Variants in MYO6 observed in about 807,000 individuals in gnomAD.
MYO6 encodes myosin VI.
A neutral mutation model predicts 178.7 loss-of-function variants in MYO6; 74 were observed. The ratio of observed to expected loss-of-function variants is 0.41; its 90% CI spans 0.34 to 0.50. MYO6 has a LOEUF of 0.50. Ranked by LOEUF, MYO6 falls within the 20% of genes least tolerant of loss-of-function variation. MYO6 has a pLI of 0.09. For synonymous variants in MYO6, 477 were observed against 504.6 expected, an observed-to-expected ratio of 0.95 and a Z score of 0.73; for missense variants, 1,330 against 1,547.4, an observed-to-expected ratio of 0.86 and a Z score of 2.36.
intron 3 of MYO6, among the ~76,000 whole-genome samples, chr6:75,826,100 C>T (rs956956404): frequency 2.0e-5 from 3 of 152,154 alleles, no homozygotes; most frequent in African/African-American, 7.2e-5. Context: ...TTTGGTAGAG[C>T]AGGAAGTTAT....
At position 75,879,723 on chromosome 6, in the gene MYO6, C is replaced by T. The variant is rs185066426; in HGVS notation, c.2078-97C>T. On this transcript the variant is annotated intron_variant, in intron 20 of 34. Transcript: ENST00000369977. ...TTGCTGATAATTCTCATAAATTGCC[C>T]GTTTCTAAACAGTATCTTACAAAAA... is the stretch of plus-strand genomic sequence containing the variant. 5.5e-5 allele frequency: 85 copies of T among 1,553,476 alleles called. No individual in the cohort carries two copies. In the African/African-American group the frequency reaches 7.2e-4, roughly 13 times the overall value.
chr6:75,750,477 TGAG>T (rs1322162254), intron 1 of MYO6, among the ~76,000 whole-genome samples: 3 of 151,586 alleles, frequency 2.0e-5, no homozygotes, highest in South Asian at 2.1e-4. Flanking sequence ...TAGTGAGAAA[TGAG>T]GAGCACTGCC....
intron 10 of MYO6, among the ~76,000 whole-genome samples, chr6:75,845,643 A>G (rs1774659933): frequency 6.6e-6 from 1 of 151,698 alleles, no homozygotes; most frequent in Non-Finnish European, 1.5e-5. Context: ...GCAGTGAGCC[A>G]CGATCATGCC....
chr6:75,760,050 G>A (rs987283048), intron 1 of MYO6, among the ~76,000 whole-genome samples: 1 of 152,072 alleles, frequency 6.6e-6, no homozygotes, highest in Non-Finnish European at 1.5e-5. Flanking sequence ...ATTTATACTT[G>A]TATTCACCTG....
chr6:75,856,803 G>A (rs1184921735), intron 12 of MYO6, among the ~76,000 whole-genome samples: 2 of 152,034 alleles, frequency 1.3e-5, no homozygotes, highest in Non-Finnish European at 2.9e-5. Context: ...CCAAAAGGGA[G>A]GTTATTCCTT....
intron 1 of MYO6, among the ~76,000 whole-genome samples, chr6:75,811,690 T>C (rs1770712354): frequency 6.6e-6 from 1 of 152,226 alleles, no homozygotes; most frequent in African/African-American, 2.4e-5. Flanking sequence ...TTTTCCTAAA[T>C]GATCCCTCCT....
At chr6:75,789,604 C>T (rs1768024884) in intron 1 of MYO6, among the ~76,000 whole-genome samples, 1 of 151,810 alleles carries the variant, frequency 6.6e-6, no homozygotes, top group African/African-American at 2.4e-5. Flanking sequence ...AGAATATAAG[C>T]TTTTTTAAAA....
chr6:75,914,271 A>C lies in MYO6; in HGVS notation c.3648A>C (p.Leu1216=), dbSNP rs1322815668. 8.7e-6 allele frequency: 14 copies of C among 1,614,214 alleles called. No homozygotes were observed. The East Asian group carries it at 3.1e-4, about 36-fold the overall frequency. The part of the protein sequence containing the change: ...MELHPDKPPI[L]LVAGKDDMEM... ...TCCATCCTGACAAGCCACCCATCCT[A>C]CTTGTGGCTGGTGTGTATGATTCAC... The change falls in exon 34 of 35, where the codon CTA becomes CTC. Residue 1216 remains leucine, a synonymous_variant. Transcript: ENST00000369977.
intron 30 of MYO6, 40 bp from the exon 31 acceptor site, chr6:75,907,565 G>GTTTC: frequency 6.7e-7 from 1 of 1,489,732 alleles, no homozygotes; most frequent in Non-Finnish European, 9.4e-7. Flanking sequence ...TTTTCTTCAT[G>GTTTC]TTTCTGGTTT....
intron 1 of MYO6, among the ~76,000 whole-genome samples, chr6:75,791,236 T>C (rs761655343): frequency 1.3e-5 from 2 of 152,200 alleles, no homozygotes; most frequent in Non-Finnish European, 2.9e-5. Flanking sequence ...CCCGGCCTAA[T>C]AGCTGTATTT....
At chr6:75,908,434 C>T (rs1309789735) in intron 31 of MYO6, 62 bp from the exon 32 acceptor site, 3 of 1,491,502 alleles carry the variant, frequency 2.0e-6, no homozygotes, top group Non-Finnish European at 2.8e-6. Flanking sequence ...ATAATTATAT[C>T]ATTATGTTAG....
At chr6:75,800,346 G>A (rs528518457) in intron 1 of MYO6, among the ~76,000 whole-genome samples, 2 of 152,292 alleles carry the variant, frequency 1.3e-5, no homozygotes, top group African/African-American at 4.8e-5. Flanking sequence ...GAGAAGTACA[G>A]AGGCTTCCAT....
chr6:75,871,529 C>T (rs1562269689), intron 19 of MYO6, among the ~76,000 whole-genome samples: 2 of 152,138 alleles, frequency 1.3e-5, no homozygotes, highest in Non-Finnish European at 1.5e-5. Flanking sequence ...GCATTTCAGG[C>T]GTGAGCCACG....
chr6:75,788,280 C>G (rs1232937952), intron 1 of MYO6, among the ~76,000 whole-genome samples: 1 of 151,972 alleles, frequency 6.6e-6, no homozygotes, highest in African/African-American at 2.4e-5. Context: ...ATAAGAATCA[C>G]TTGAACCTGG....
At chr6:75,841,120 A>G in intron 8 of MYO6, 94 bp from the exon 9 acceptor site, 6 of 1,153,716 alleles carry the variant, frequency 5.2e-6, no homozygotes, top group Non-Finnish European at 7.5e-6. Flanking sequence ...TGATAGACAA[A>G]TGGTATTAGA....
At chr6:75,750,124 C>G (rs1776729989) in intron 1 of MYO6, among the ~76,000 whole-genome samples, 3 of 148,520 alleles carry the variant, frequency 2.0e-5, no homozygotes, top group Non-Finnish European at 3.0e-5. Flanking sequence ...GAGACGGAGC[C>G]TTGGTCTGTC....
chr6:75,806,458 T>TCA (rs1770099335), intron 1 of MYO6, among the ~76,000 whole-genome samples: 1 of 151,738 alleles, frequency 6.6e-6, no homozygotes, highest in African/African-American at 2.4e-5. Context: ...AAGTACATCA[T>TCA]TATCACATAG....
intron 33 of MYO6, among the ~76,000 whole-genome samples, chr6:75,913,809 G>A (rs1780947604): frequency 6.6e-6 from 1 of 152,084 alleles, no homozygotes; most frequent in African/African-American, 2.4e-5. Flanking sequence ...GTTTGTTGCT[G>A]GTAGTGGTGG....
At chr6:75,775,335 C>G (rs1766276415) in intron 1 of MYO6, among the ~76,000 whole-genome samples, 2 of 152,156 alleles carry the variant, frequency 1.3e-5, no homozygotes, top group African/African-American at 4.8e-5. Context: ...GTGCAGGTCA[C>G]CTCTGGGTCA....
Sources: allele counts gnomAD v4.1 joint callset (sites outside exome capture counted in the v4.1 genomes callset), GRCh38; gene constraint gnomAD v4.1.1; transcripts MANE v1.5; gene names NCBI Gene and HGNC (gene_info 2026-07-23, HGNC 2026-07-21).